The following APOBEC3B variants were observed in gnomAD, a reference collection of about 807,000 sequenced individuals.
APOBEC3B encodes apolipoprotein B mRNA editing enzyme catalytic subunit 3B.
APOBEC3B carries 29 observed loss-of-function variants against 53.4 expected under a neutral mutation model. The observed-to-expected ratio is 0.54, with a 90% confidence interval of 0.40 to 0.74. APOBEC3B has a LOEUF of 0.74. Ranked by LOEUF, APOBEC3B falls within the 30% of genes least tolerant of loss-of-function variation. APOBEC3B has a pLI of 0.00. For synonymous variants in APOBEC3B, 132 were observed against 184.8 expected, an observed-to-expected ratio of 0.71 and a Z score of 2.32; for missense variants, 347 against 496.2, an observed-to-expected ratio of 0.70 and a Z score of 2.86.
intron 5 of APOBEC3B, among the ~76,000 whole-genome samples, chr22:38,989,991 G>A (rs112734347): frequency 1.4e-5 from 2 of 139,384 alleles, no homozygotes; most frequent in Middle Eastern, 3.5e-3. Context: ...GGCAGGAGAG[G>A]CTGATCAGGG....
chr22:38,984,542 A>G (rs1197895928), intron 2 of APOBEC3B, among the ~76,000 whole-genome samples: 1 of 149,018 alleles, frequency 6.7e-6, no homozygotes, highest in Non-Finnish European at 1.5e-5. Flanking sequence ...GGAACTGGCT[A>G]AATACAGACA....
chr22:38,987,628 G>A (rs1923794930), intron 4 of APOBEC3B, among the ~76,000 whole-genome samples: 1 of 148,354 alleles, frequency 6.7e-6, no homozygotes. Context: ...AGGGTGTGGG[G>A]GAGGAAATGG....
chr22:38,992,344 G>C, intron 7 of APOBEC3B, 87 bp from the exon 8 acceptor site: 1 of 1,547,864 alleles, frequency 6.5e-7, no homozygotes, highest in Non-Finnish European at 8.7e-7. Flanking sequence ...CTCCTCTCCC[G>C]TCATTGTCAC....
chr22:38,984,297 T>C lies in APOBEC3B; in HGVS notation c.174+66T>C, dbSNP rs866937042. ...GGAATTAGAGGACTGGAGAGACTGATATGGGTGAGACAGGAGGATTTATTT... is the reference window on the plus strand; with the variant it reads ...GGAATTAGAGGACTGGAGAGACTGACATGGGTGAGACAGGAGGATTTATTT... On this transcript the variant is annotated intron_variant, in intron 2 of 7. Transcript: ENST00000333467. 8.8e-5 allele frequency: 134 copies of C among 1,526,234 alleles called. 7 individuals are homozygous for C. The Middle Eastern group carries it at 5.1e-3, about 58-fold the overall frequency. The allele number at this position is 1,526,234 out of a possible 1,614,324, so 94.5% of individuals were successfully genotyped here.
chr22:38,982,728 G>C (rs1923582817), intron 1 of APOBEC3B, among the ~76,000 whole-genome samples: 1 of 148,120 alleles, frequency 6.8e-6, no homozygotes, highest in Non-Finnish European at 1.5e-5. Flanking sequence ...GTCATGCCCG[G>C]ACTGGTGCTC....
At position 38,991,587 on chromosome 22, in the gene APOBEC3B, C is replaced by T. The variant is rs770453697; in HGVS notation, c.979C>T (p.Arg327Trp). ...PLYKEALQML[R>W]DAGAQVSIMT... ...ATATAAGGAGGCGCTGCAAATGCTG[C>T]GGGATGCTGGGGCCCAAGTCTCCAT... The change falls in exon 6 of 8, where the codon CGG (arginine) becomes TGG (tryptophan). Residue 327 changes from arginine to tryptophan, a missense_variant. By Grantham distance (101) the Arg-to-Trp change is moderately radical (BLOSUM62 -3). This residue lies in a region of APOBEC3B where 78 missense variants were observed against 103.9 expected (regional missense o/e 0.75). Transcript: ENST00000333467. The T allele has an allele frequency of 4.3e-5, 64 of 1,495,532 alleles. 2 individuals are homozygous for T. The highest frequency in any genetic ancestry group is 3.7e-4 in the Admixed American group (19 of 51,408). 92.6% of individuals were successfully genotyped at this position (1,495,532 alleles called of 1,614,324 possible). A position where few individuals can be genotyped will look rare whatever the true frequency, so the allele number is the denominator to read the frequency against.
chr22:38,991,300 C>G (rs1230831465), intron 5 of APOBEC3B, 32 bp from the exon 6 acceptor site: 1 of 1,317,588 alleles, frequency 7.6e-7, no homozygotes, highest in Non-Finnish European at 1.1e-6. Context: ...CTGTTCACCA[C>G]ACATCACCTC....
chr22:38,988,728 T>C (rs148579142), intron 4 of APOBEC3B, among the ~76,000 whole-genome samples: 9 of 131,906 alleles, frequency 6.8e-5, no homozygotes, highest in Admixed American at 8.0e-5. Context: ...TTTCTTTCTT[T>C]CTTTCTTTCT....
At position 38,992,033 on chromosome 22, in the gene APOBEC3B, G is replaced by T; in HGVS notation, c.1019-1G>T. 1 of 1,578,322 alleles carries T rather than the reference G, an allele frequency of 6.3e-7. No individual in the cohort carries two copies. The highest frequency in any genetic ancestry group is 8.6e-7 in the Non-Finnish European group (1 of 1,164,210). On this transcript the variant is annotated splice_acceptor_variant, in intron 6 of 7. Coordinates refer to ENST00000333467, the MANE Select transcript of APOBEC3B (RefSeq NM_004900.5). LOFTEE classifies it high-confidence loss of function. Reference sequence around the variant, plus strand: ...GACTTATCTCCCCTGTCCCTTTTCAGAGTTTGAGTACTGCTGGGACACCTT... The same window carrying T: ...GACTTATCTCCCCTGTCCCTTTTCATAGTTTGAGTACTGCTGGGACACCTT...
chr22:38,990,029 C>T (rs1201183558), intron 5 of APOBEC3B, among the ~76,000 whole-genome samples: 2 of 148,710 alleles, frequency 1.3e-5, no homozygotes, highest in Non-Finnish European at 3.0e-5. Context: ...GTGGAGCCCA[C>T]AGCAAGGCCA....
intron 5 of APOBEC3B, among the ~76,000 whole-genome samples, chr22:38,990,450 T>C (rs1371712146): frequency 6.8e-6 from 1 of 147,726 alleles, no homozygotes; most frequent in Non-Finnish European, 1.5e-5. Context: ...ACAATCACAG[T>C]CCTTGCTGCC....
chr22:38,990,253 C>T (rs1282414845), intron 5 of APOBEC3B, among the ~76,000 whole-genome samples: 3 of 147,778 alleles, frequency 2.0e-5, no homozygotes, highest in African/African-American at 7.4e-5. Context: ...TCTATGAGCT[C>T]AATGTGGGCC....
Position 38,992,434 on chromosome 22 carries a change from C to G in APOBEC3B, c.1138C>G (p.Gln380Glu), listed in dbSNP as rs562667270. 2 of 1,602,478 alleles carry G rather than the reference C, an allele frequency of 1.2e-6. No individual in the cohort carries two copies. The highest frequency in any genetic ancestry group is 1.7e-6 in the Non-Finnish European group (2 of 1,172,946). The stretch of plus-strand genomic sequence containing the variant: ...TTCAACCCCCCTGCTCTTCCAGAAT[C>G]AGGGAAACTGAAGGATGGGCCTCAG... ...SGRLRAILQN[Q>E]GN is the part of the protein sequence containing the mutation. The change falls in exon 8 of 8, where the codon CAG (glutamine) becomes GAG (glutamate). Residue 380 changes from glutamine (Q) to glutamate (E), a missense_variant. Gln to Glu is a conservative substitution (Grantham distance 29). This residue lies in a region of APOBEC3B where 78 missense variants were observed against 103.9 expected (regional missense o/e 0.75). Coordinates refer to ENST00000333467, the MANE Select transcript of APOBEC3B (RefSeq NM_004900.5).
chr22:38,982,563 C>T (rs1278252809), intron 1 of APOBEC3B, 93 bp downstream of exon 1: 5 of 1,474,946 alleles, frequency 3.4e-6, no homozygotes, highest in Non-Finnish European at 4.6e-6. Flanking sequence ...CCCGCCCCTG[C>T]CCCAGCCCTG....
At chr22:38,983,220 A>C (rs1923602321) in intron 1 of APOBEC3B, among the ~76,000 whole-genome samples, 1 of 148,106 alleles carries the variant, frequency 6.8e-6, no homozygotes, top group Non-Finnish European at 1.5e-5. Flanking sequence ...CAGGAGGTTT[A>C]GGCAGGAGAA....
At chr22:38,987,450 G>A (rs1245738116) in intron 4 of APOBEC3B, among the ~76,000 whole-genome samples, 17 of 148,600 alleles carry the variant, frequency 1.1e-4, no homozygotes, top group African/African-American at 4.2e-4. Flanking sequence ...CTGGGCTGGT[G>A]CTCCCTGCCC....
chr22:38,991,077 G>A (rs917851137), intron 5 of APOBEC3B, among the ~76,000 whole-genome samples: 3 of 147,550 alleles, frequency 2.0e-5, no homozygotes, highest in Admixed American at 7.2e-5. Flanking sequence ...TGTGTATATT[G>A]GAGCTGGGGC....
Position 38,991,639 on chromosome 22 carries a change from G to A in APOBEC3B, c.1018+13G>A, listed in dbSNP as rs763980775. On this transcript the variant is annotated intron_variant, in intron 6 of 7. Coordinates refer to ENST00000333467, the MANE Select transcript of APOBEC3B (RefSeq NM_004900.5). The stretch of plus-strand genomic sequence containing the variant: ...ATGACCTACGATGGTAAGAATGGAA[G>A]GTTCAGGTGGGGTGGGGTGGGTGGG... The A allele has an allele frequency of 2.8e-6, 4 of 1,405,640 alleles. No homozygotes were observed. The highest frequency in any genetic ancestry group is 3.9e-6 in the Non-Finnish European group (4 of 1,023,958). 87.1% of individuals were successfully genotyped at this position (1,405,640 alleles called of 1,614,324 possible).
chr22:38,988,683 C>CCCTTTCTTTCTTTCTT (rs1923841037), intron 4 of APOBEC3B, among the ~76,000 whole-genome samples: 1 of 47,512 alleles, frequency 2.1e-5, no homozygotes, highest in East Asian at 1.6e-3. Context: ...TTCTCTCTTT[C>CCCTTTCTTTCTTTCTT]TCTTTCTTTC....
Sources: gnomAD v4.1 joint callset for allele counts (sites outside exome capture counted in the v4.1 genomes callset) on GRCh38, gnomAD v4.1.1 for gene constraint, gnomAD v4.1.1 regional missense constraint, MANE v1.5 for transcripts, NCBI Gene and HGNC (gene_info 2026-07-23, HGNC 2026-07-21) for gene names.